Variants in ANKRD26 observed in about 807,000 individuals in gnomAD.
The protein encoded by ANKRD26 is ankyrin repeat domain 26.
In ANKRD26, 141 loss-of-function variants were observed where a neutral mutation model predicts 208.7. The ratio of observed to expected loss-of-function variants is 0.68; its 90% CI spans 0.59 to 0.78. ANKRD26 has a LOEUF of 0.78. ANKRD26 is among the 30% of genes least tolerant of loss of function. The pLI is 0.00. For synonymous variants in ANKRD26, 636 were observed against 660.4 expected, an observed-to-expected ratio of 0.96 and a Z score of 0.57; for missense variants, 1,889 against 1,938.7, an observed-to-expected ratio of 0.97 and a Z score of 0.48.
the ANKRD26 span, among the ~76,000 whole-genome samples, chr10:26,951,019 C>CTTTTT: frequency 0.013 from 638 of 48,418 alleles, 39 homozygotes; most frequent in South Asian, 0.12. Flanking sequence ...TTTTCTTTTT[C>CTTTTT]TTTTTTTTTT....
chr10:27,043,489 G>C lies in ANKRD26; in HGVS notation c.2098C>G (p.Leu700Val), dbSNP rs776658228. ...SSETASEDCELPHSSYKNFML... is the reference protein window; with the variant it reads ...SSETASEDCEVPHSSYKNFML... ...AAATTCTTGTAACTAGAGTGGGGTA[G>C]CTCACAATCCTCTGAGGCTGTTTCA... The change falls in exon 20 of 34, where the codon CTA becomes GTA. Residue 700 changes from leucine (L) to valine (V), a missense_variant. Leu to Val is a conservative substitution (Grantham distance 32, BLOSUM62 1). This residue lies in a region of ANKRD26 where 1,272 missense variants were observed against 1,273.8 expected (regional missense o/e 1.00). Transcript: ENST00000376087. 1.5e-5 allele frequency: 25 copies of C among 1,613,800 alleles called. No individual in the cohort carries two copies. Among genetic ancestry groups the C allele is most frequent in the Non-Finnish European group, 2.0e-5 (24 of 1,179,842 alleles).
intron 6 of ANKRD26, among the ~76,000 whole-genome samples, chr10:27,082,190 T>C (rs2055946043): frequency 6.6e-6 from 1 of 150,962 alleles, no homozygotes; most frequent in Non-Finnish European, 1.5e-5. Context: ...ACCAGAAATA[T>C]CCTCTAACTG....
chr10:26,994,129 A>C (rs114727784), intron 5 of ANKRD26, among the ~76,000 whole-genome samples: 63 of 152,320 alleles, frequency 4.1e-4, no homozygotes, highest in African/African-American at 1.4e-3. Context: ...CTTGGGTTAA[A>C]GCTCTCCACA....
intron 32 of ANKRD26, among the ~76,000 whole-genome samples, chr10:27,012,049 T>C: frequency 6.6e-6 from 1 of 152,238 alleles, no homozygotes; most frequent in East Asian, 1.9e-4. Flanking sequence ...TGTTAGAGTT[T>C]GTTTAATTCA....
Position 27,083,783 on chromosome 10 carries a change from G to T in ANKRD26, c.710-950C>A, listed in dbSNP as rs1234657209. Reference sequence around the variant, plus strand: ...GTATATAAGAGGCCAGCAAACTAGAGGCCACAAGCCAAATCCAGCCAGCCA... The same window carrying T: ...GTATATAAGAGGCCAGCAAACTAGATGCCACAAGCCAAATCCAGCCAGCCA... On this transcript the variant is annotated intron_variant, in intron 5 of 33. Coordinates refer to ENST00000376087, the MANE Select transcript of ANKRD26 (RefSeq NM_014915.3). 3.9e-5 allele frequency among the ~76,000 whole-genome samples: 6 copies of T among 152,186 alleles called. No individual in the cohort carries two copies. In the South Asian group the frequency reaches 1.0e-3, roughly 26 times the overall value.
At chr10:27,068,728 G>C (rs959225353) in intron 9 of ANKRD26, among the ~76,000 whole-genome samples, 1 of 152,064 alleles carries the variant, frequency 6.6e-6, no homozygotes, top group Non-Finnish European at 1.5e-5. Context: ...ATACATTTCA[G>C]AAAGGTCACC....
In ANKRD26 at chr10:27,093,724, G is replaced by C. The variant is rs757353651; in HGVS notation, c.318C>G (p.Leu106=). Residue 106 remains leucine (L), a synonymous_variant, in exon 2 of 34, where the codon CTC becomes CTG. Transcript: ENST00000376087. ...VTLLVDRKCQ[L]NVCDNENRTA... Reference sequence around the variant, plus strand: ...TCCTGTTTTCGTTGTCACAGACATTGAGCTGGCATTTTCTGTCCACCAGGA... The same window carrying C: ...TCCTGTTTTCGTTGTCACAGACATTCAGCTGGCATTTTCTGTCCACCAGGA... 3 of 1,614,208 alleles carry C rather than the reference G, an allele frequency of 1.9e-6. No individual in the cohort carries two copies. In the African/African-American group the frequency reaches 4.0e-5, roughly 22 times the overall value.
At chr10:27,047,282 A>G (rs1004299281) in intron 17 of ANKRD26, among the ~76,000 whole-genome samples, 1 of 152,178 alleles carries the variant, frequency 6.6e-6, no homozygotes, top group Admixed American at 6.5e-5. Context: ...CATTATATGC[A>G]GTTCCAAAAT....
chr10:27,077,561 A>G, intron 8 of ANKRD26, 21 bp from the exon 9 acceptor site: 1 of 1,612,080 alleles, frequency 6.2e-7, no homozygotes. Flanking sequence ...AACAAAATAA[A>G]GAGTAAATGA....
intron 15 of ANKRD26, among the ~76,000 whole-genome samples, chr10:27,056,477 T>C (rs1035020547): frequency 6.6e-6 from 1 of 151,390 alleles, no homozygotes; most frequent in Non-Finnish European, 1.5e-5. Context: ...CCAAAAATAA[T>C]TTTTTTTAAA....
intron 6 of ANKRD26, chr10:27,080,928 T>C (rs1272371977): frequency 5.1e-5 from 50 of 985,236 alleles, no homozygotes; most frequent in East Asian, 1.1e-4. Context: ...CATCAGAGAA[T>C]TGGGAAAGGA....
At chr10:27,088,393 T>C (rs1253276507) in intron 4 of ANKRD26, 1 of 152,200 alleles carries the variant, frequency 6.6e-6, no homozygotes, top group African/African-American at 2.4e-5. Context: ...TCTACATTGT[T>C]CAAATTTTAG....
At chr10:26,973,924 T>G (rs1366078062) in exon 6 of ANKRD26, among the ~76,000 whole-genome samples, 1 of 152,128 alleles carries the variant, frequency 6.6e-6, no homozygotes, top group Non-Finnish European at 1.5e-5. Flanking sequence ...CCCAAAGTGC[T>G]GGAATTACAG....
chr10:27,076,724 T>G (rs2055712246), intron 9 of ANKRD26, among the ~76,000 whole-genome samples: 1 of 151,796 alleles, frequency 6.6e-6, no homozygotes, highest in Admixed American at 6.6e-5. Context: ...AAAACCTCTA[T>G]GCACACAAAC....
downstream of ANKRD26, among the ~76,000 whole-genome samples, chr10:26,991,427 T>A (rs2052483693): frequency 6.6e-6 from 1 of 151,850 alleles, no homozygotes; most frequent in Admixed American, 6.6e-5. Flanking sequence ...GGGTAGATAT[T>A]GAAGGAAGGT....
At chr10:26,961,578 C>T in the ANKRD26 span, among the ~76,000 whole-genome samples, 1 of 152,108 alleles carries the variant, frequency 6.6e-6, no homozygotes, top group African/African-American at 2.4e-5. Flanking sequence ...GGTGTGGCGG[C>T]ACATGCTGTA....
In ANKRD26 at chr10:27,064,095, T is replaced by C; in HGVS notation, c.1270-14A>G. On this transcript the variant is annotated splice_polypyrimidine_tract_variant and intron_variant, in intron 11 of 33. Coordinates refer to ENST00000376087, the MANE Select transcript of ANKRD26 (RefSeq NM_014915.3). ...CTCAGAGATACTCTGTTAAAATTAGTATCAATAATGAGTTTCAATTTTACA... is the reference window on the plus strand; with the variant it reads ...CTCAGAGATACTCTGTTAAAATTAGCATCAATAATGAGTTTCAATTTTACA... 1 of 1,543,120 alleles carries C rather than the reference T, an allele frequency of 6.5e-7. No homozygotes were observed. Among genetic ancestry groups the C allele is most frequent in the South Asian group, 1.1e-5 (1 of 88,964 alleles).
At chr10:27,006,131 G>T (rs570960481) in intron 33 of ANKRD26, among the ~76,000 whole-genome samples, 1 of 152,280 alleles carries the variant, frequency 6.6e-6, no homozygotes, top group African/African-American at 2.4e-5. Flanking sequence ...CACACAGAAG[G>T]GACACCTATC....
chr10:27,047,115 T>C (rs2054475287), intron 17 of ANKRD26, among the ~76,000 whole-genome samples: 1 of 152,256 alleles, frequency 6.6e-6, no homozygotes. Flanking sequence ...ATTTGGGCTA[T>C]ATTTTTTGTT....
Sources: allele counts gnomAD v4.1 joint callset (sites outside exome capture counted in the v4.1 genomes callset), GRCh38; gene constraint gnomAD v4.1.1; regional missense constraint gnomAD v4.1.1; transcripts MANE v1.5; gene names NCBI Gene and HGNC (gene_info 2026-07-23, HGNC 2026-07-21).